The following PTPRN2 variants were observed in gnomAD, a reference collection of about 807,000 sequenced individuals.
PTPRN2 encodes the protein protein tyrosine phosphatase receptor type N2.
A neutral mutation model predicts 118.8 loss-of-function variants in PTPRN2; 74 were observed. That is an observed-to-expected ratio of 0.62 (90% CI 0.52 to 0.76). The LOEUF (loss-of-function observed/expected upper bound fraction) is 0.76. Ranked by LOEUF, PTPRN2 falls within the 30% of genes least tolerant of loss-of-function variation. The pLI, the probability that PTPRN2 is intolerant of heterozygous loss-of-function variation, is 0.00. For missense variants in PTPRN2, 1,481 were observed against 1,394.4 expected (o/e 1.06, Z -0.99); for synonymous variants, 641 against 608.0 (o/e 1.05, Z -0.80).
intron 13 of PTPRN2, among the ~76,000 whole-genome samples, chr7:157,670,097 C>T (rs759201993): frequency 3.2e-4 from 48 of 152,164 alleles, no homozygotes; most frequent in Non-Finnish European, 6.2e-4. Context: ...GCAAGGGGCA[C>T]GGCTGGAGCA....
At chr7:157,723,582 C>T (rs1212743176) in intron 12 of PTPRN2, among the ~76,000 whole-genome samples, 1 of 152,234 alleles carries the variant, frequency 6.6e-6, no homozygotes, top group Non-Finnish European at 1.5e-5. Context: ...TCATGCTCTT[C>T]ACCCATCCAC....
At chr7:157,594,379 G>A (rs1411683857) in intron 17 of PTPRN2, among the ~76,000 whole-genome samples, 2 of 151,980 alleles carry the variant, frequency 1.3e-5, no homozygotes, top group Non-Finnish European at 2.9e-5. Context: ...GCTGTGGATC[G>A]CCAGGAGGCC....
intron 15 of PTPRN2, chr7:157,613,983 G>A: frequency 2.1e-6 from 1 of 470,508 alleles, no homozygotes; most frequent in Non-Finnish European, 4.4e-6. Context: ...TGAGCTCACA[G>A]GGCTGGCCTC....
At chr7:158,261,263 G>T (rs928636325) in intron 3 of PTPRN2, among the ~76,000 whole-genome samples, 6 of 152,160 alleles carry the variant, frequency 3.9e-5, no homozygotes, top group Non-Finnish European at 7.4e-5. Context: ...GCAGCGGGAA[G>T]AAGCTCCCGG....
At chr7:157,580,002 C>T (rs565492697) in intron 17 of PTPRN2, among the ~76,000 whole-genome samples, 9 of 152,272 alleles carry the variant, frequency 5.9e-5, no homozygotes, top group African/African-American at 1.9e-4. Context: ...CAGAATACAT[C>T]GCAAAAAGTT....
chr7:157,628,237 G>A (rs1401721803), intron 14 of PTPRN2, among the ~76,000 whole-genome samples: 6 of 152,220 alleles, frequency 3.9e-5, no homozygotes, highest in African/African-American at 1.2e-4. Context: ...CTTTGAGGGA[G>A]AATGTGTTCA....
chr7:158,299,288 T>G (rs2151041179), intron 3 of PTPRN2, among the ~76,000 whole-genome samples: 1 of 145,202 alleles, frequency 6.9e-6, no homozygotes. Flanking sequence ...CACGCAGGGC[T>G]CTCAGGAAGC....
intron 11 of PTPRN2, among the ~76,000 whole-genome samples, chr7:158,047,691 C>T (rs904366036): frequency 2.6e-5 from 4 of 152,220 alleles, no homozygotes; most frequent in Non-Finnish European, 5.9e-5. Flanking sequence ...GAGCCGATGG[C>T]ATGTTAGAGG....
intron 4 of PTPRN2, among the ~76,000 whole-genome samples, chr7:158,193,744 C>A (rs1825967694): frequency 6.6e-6 from 1 of 152,018 alleles, no homozygotes; most frequent in African/African-American, 2.4e-5. Flanking sequence ...CTTCACAGCC[C>A]CCACGGAGGC....
intron 3 of PTPRN2, among the ~76,000 whole-genome samples, chr7:158,249,378 C>CATAA (rs947894263): frequency 6.7e-6 from 1 of 150,218 alleles, no homozygotes; most frequent in Non-Finnish European, 1.5e-5. Context: ...TACATGCATA[C>CATAA]ATACACATAT....
intron 11 of PTPRN2, among the ~76,000 whole-genome samples, chr7:158,057,226 C>T (rs1204604484): frequency 2.0e-5 from 3 of 152,186 alleles, no homozygotes; most frequent in Non-Finnish European, 4.4e-5. Context: ...TTGACACCTG[C>T]CCAGCACATC....
At chr7:158,510,996 A>G (rs1304306970) in intron 1 of PTPRN2, among the ~76,000 whole-genome samples, 1 of 152,246 alleles carries the variant, frequency 6.6e-6, no homozygotes, top group African/African-American at 2.4e-5. Context: ...GTTGGCAAAG[A>G]ACCTTCCTTG....
rs1800957503 is a variant in PTPRN2 at position 157,591,050 on chromosome 7, G to A, written c.2496+4188C>T. 6.6e-6 allele frequency among the ~76,000 whole-genome samples: 1 copy of A among 152,074 alleles called. No homozygotes were observed. Among genetic ancestry groups the A allele is most frequent in the Non-Finnish European group, 1.5e-5 (1 of 68,016 alleles). Reference sequence around the variant, plus strand: ...GCATATGTGGTCAAGTTAAGGTGAGGTCACACAGGCTAGGATGAGCTCTCA... The same window carrying A: ...GCATATGTGGTCAAGTTAAGGTGAGATCACACAGGCTAGGATGAGCTCTCA... On this transcript the variant is annotated intron_variant, in intron 17 of 22. Coordinates refer to ENST00000389418, the MANE Select transcript of PTPRN2 (RefSeq NM_002847.5). This position sits in a 1 kb window ranked among gnomAD's most constrained non-coding sequence, Gnocchi z 4.4.
intron 2 of PTPRN2, among the ~76,000 whole-genome samples, chr7:158,422,477 T>C (rs1815336213): frequency 6.6e-6 from 1 of 152,154 alleles, no homozygotes; most frequent in African/African-American, 2.4e-5. Context: ...TGCACACACA[T>C]ACTCTTACAT....
chr7:157,564,248 C>T (rs866886873), intron 21 of PTPRN2, among the ~76,000 whole-genome samples: 32 of 152,208 alleles, frequency 2.1e-4, no homozygotes, highest in African/African-American at 7.7e-4. Context: ...TCTCCTGCCT[C>T]AGCCTCCTGA....
At chr7:158,304,474 C>T (rs1329842083) in intron 3 of PTPRN2, among the ~76,000 whole-genome samples, 1 of 148,630 alleles carries the variant, frequency 6.7e-6, no homozygotes, top group Non-Finnish European at 1.5e-5. Context: ...AAGATGTACA[C>T]AGGCTTGGAT....
At chr7:158,014,440 C>T (rs940269918) in intron 11 of PTPRN2, among the ~76,000 whole-genome samples, 3 of 151,672 alleles carry the variant, frequency 2.0e-5, no homozygotes, top group Non-Finnish European at 4.4e-5. Flanking sequence ...TCTATTCATC[C>T]ATCCCTCCAT....
chr7:157,980,024 G>T (rs1294998517), intron 11 of PTPRN2, among the ~76,000 whole-genome samples: 1 of 152,164 alleles, frequency 6.6e-6, no homozygotes, highest in Non-Finnish European at 1.5e-5. Flanking sequence ...TCCCCCAAAA[G>T]CCTCATAAAG....
intron 3 of PTPRN2, among the ~76,000 whole-genome samples, chr7:158,256,959 C>A (rs951870116): frequency 2.6e-5 from 4 of 152,148 alleles, no homozygotes; most frequent in Non-Finnish European, 5.9e-5. Flanking sequence ...CAGCTTTTTG[C>A]CGTCTGGGAG....
Sources: allele counts gnomAD v4.1 joint callset (sites outside exome capture counted in the v4.1 genomes callset), GRCh38; gene constraint gnomAD v4.1.1; non-coding constraint Gnocchi (gnomAD v3.1); transcripts MANE v1.5; gene names NCBI Gene and HGNC (gene_info 2026-07-23, HGNC 2026-07-21).